The following SYTL4 variants were observed in gnomAD, a reference collection of about 807,000 sequenced individuals.
SYTL4 encodes the protein synaptotagmin like 4, also known as synaptotagmin-like protein 4.
SYTL4 carries 16 observed loss-of-function variants against 52.7 expected under a neutral mutation model. That is an observed-to-expected ratio of 0.30 (90% confidence interval 0.21 to 0.46). The LOEUF (loss-of-function observed/expected upper bound fraction) is 0.46. SYTL4 is among the 20% of genes least tolerant of loss of function. SYTL4 has a pLI of 1.00. For missense variants in SYTL4, 423 were observed against 519.9 expected (o/e 0.81, Z 1.81); for synonymous variants, 160 against 186.6 (o/e 0.86, Z 1.16).
At chrX:100,677,906 G>C (rs980310840) in intron 19 of SYTL4, among the ~76,000 whole-genome samples, 15 of 111,445 alleles carry the variant, frequency 1.3e-4, no homozygotes, top group Non-Finnish European at 2.8e-4. Flanking sequence ...GTTTGTTTTT[G>C]TTTCATAAGA....
At chrX:100,711,656 A>G (rs980570666) in intron 2 of SYTL4, among the ~76,000 whole-genome samples, 2 of 111,836 alleles carry the variant, frequency 1.8e-5, no homozygotes, top group East Asian at 5.5e-4. Flanking sequence ...TTAATGAGCT[A>G]TGGGACAACA....
chrX:100,698,951 G>A (rs937366565), intron 8 of SYTL4, among the ~76,000 whole-genome samples: 7 of 112,050 alleles, frequency 6.2e-5, no homozygotes, highest in Admixed American at 3.8e-4. Flanking sequence ...GAAAATAACC[G>A]GGGGGAAGTG....
rs776899422 is a variant in SYTL4 at position 100,678,442 on chromosome X, G to A, written c.1816C>T (p.Pro606Ser). 1.7e-6 allele frequency: 2 copies of A among 1,211,203 alleles called. No homozygotes were observed. Among genetic ancestry groups the A allele is most frequent in the South Asian group, 3.5e-5 (2 of 56,913 alleles). The stretch of plus-strand genomic sequence containing the variant: ...CCCAGGAAGTCATTGCTGGCCAGGG[G>A]CTCCCGGTCCCACACAGTCAGTTCC... ...CLELTVWDREPLASNDFLGGV... is the reference protein window; with the variant it reads ...CLELTVWDRESLASNDFLGGV... Residue 606 changes from proline to serine, a missense_variant, in exon 19 of 20, where the codon CCC (proline) becomes TCC (serine). Pro to Ser is a moderately conservative substitution (Grantham distance 74). Transcript: ENST00000372989.
intron 2 of SYTL4, among the ~76,000 whole-genome samples, chrX:100,714,194 A>G (rs1365465767): frequency 9.0e-6 from 1 of 111,722 alleles, no homozygotes; most frequent in Non-Finnish European, 1.9e-5. Context: ...ATGTTTTCCA[A>G]TCCCAGAATA....
intron 2 of SYTL4, among the ~76,000 whole-genome samples, chrX:100,721,877 C>G (rs1471956183): frequency 9.0e-6 from 1 of 110,637 alleles, no homozygotes; most frequent in African/African-American, 3.3e-5. Flanking sequence ...TCTTGGCTCA[C>G]TGCAACCACT....
Position 100,701,342 on chromosome X carries a change from A to G in SYTL4, c.327-13T>C. 1 of 1,186,144 alleles carries G rather than the reference A, an allele frequency of 8.4e-7. No individual in the cohort carries two copies. The highest frequency in any genetic ancestry group is 1.1e-6 in the Non-Finnish European group (1 of 872,131). On this transcript the variant is annotated splice_polypyrimidine_tract_variant and intron_variant, in intron 6 of 19. Transcript: ENST00000372989. ...TTTCTTCAACTCTCTGGGAAGAAAT[A>G]AAAGAAAATGACAGATGGATAAAGA...
chrX:100,701,758 G>C, intron 5 of SYTL4, 85 bp from the exon 6 acceptor site: 1 of 989,204 alleles, frequency 1.0e-6, no homozygotes. Context: ...AAGACAGTAA[G>C]ACTATTTGGT....
At chrX:100,698,133 T>A (rs759845130) in intron 8 of SYTL4, among the ~76,000 whole-genome samples, 7 of 111,198 alleles carry the variant, frequency 6.3e-5, no homozygotes, top group African/African-American at 2.3e-4. Context: ...GATGGAGTCT[T>A]GCTCTGTTGC....
chrX:100,696,525 T>C (rs1174986887), intron 8 of SYTL4, among the ~76,000 whole-genome samples: 1 of 112,152 alleles, frequency 8.9e-6, no homozygotes, highest in Non-Finnish European at 1.9e-5. Flanking sequence ...TGTGCTTATC[T>C]GACATCTCTA....
intron 8 of SYTL4, among the ~76,000 whole-genome samples, chrX:100,698,648 T>C (rs942303582): frequency 9.0e-6 from 1 of 111,634 alleles, no homozygotes; most frequent in African/African-American, 3.3e-5. Context: ...CATTCAAGTA[T>C]AAAGGCAGCT....
intron 2 of SYTL4, among the ~76,000 whole-genome samples, chrX:100,727,482 G>A (rs1317623318): frequency 4.4e-5 from 5 of 112,660 alleles, no homozygotes; most frequent in East Asian, 2.8e-4. Context: ...AAAACCACTC[G>A]CAATGGTGAA....
chrX:100,678,006 G>A (rs2147668390), intron 19 of SYTL4, among the ~76,000 whole-genome samples: 1 of 112,102 alleles, frequency 8.9e-6, no homozygotes, highest in African/African-American at 3.2e-5. Context: ...AGGTCATCGA[G>A]AAGGGTAGGG....
chrX:100,705,691 C>T (rs1157546093), intron 2 of SYTL4, among the ~76,000 whole-genome samples: 2 of 111,255 alleles, frequency 1.8e-5, no homozygotes, highest in African/African-American at 3.3e-5. Context: ...GAGAAAGGCA[C>T]GTTGGCATAA....
At chrX:100,684,233 G>A (rs1405104164) in intron 16 of SYTL4, among the ~76,000 whole-genome samples, 4 of 111,639 alleles carry the variant, frequency 3.6e-5, no homozygotes, top group African/African-American at 9.8e-5. Context: ...CTACTGTGCT[G>A]TTGAACAAAT....
intron 15 of SYTL4, 172 bp from the exon 16 acceptor site, chrX:100,686,323 T>C (rs2083473132): frequency 6.5e-6 from 3 of 461,673 alleles, no homozygotes; most frequent in Non-Finnish European, 1.0e-5. Flanking sequence ...TTAACTCATT[T>C]TATAAAAACC....
intron 17 of SYTL4, 81 bp from the exon 18 acceptor site, chrX:100,679,493 T>C (rs2083335932): frequency 3.7e-6 from 3 of 812,844 alleles, no homozygotes; most frequent in Non-Finnish European, 5.5e-6. Context: ...AGCACTTTCT[T>C]TGCTTGCTCC....
At chrX:100,683,133 A>ATTTTTTTTTTTTTT (rs559628938) in intron 16 of SYTL4, among the ~76,000 whole-genome samples, 5 of 53,972 alleles carry the variant, frequency 9.3e-5, no homozygotes, top group Non-Finnish European at 9.7e-5. Flanking sequence ...ACCTGCCTGT[A>ATTTTTTTTTTTTTT]TTTTTTTTTT....
At chrX:100,695,523 A>G (rs748776671) in intron 8 of SYTL4, among the ~76,000 whole-genome samples, 1 of 111,626 alleles carries the variant, frequency 9.0e-6, no homozygotes, top group East Asian at 2.8e-4. Flanking sequence ...CCACAAAGAA[A>G]AAAGGGGGCC....
At position 100,711,051 on chromosome X, in the gene SYTL4, C is replaced by T. The variant is rs749759142; in HGVS notation, c.-239-6165G>A. On this transcript the variant is annotated intron_variant, in intron 2 of 19. Coordinates refer to ENST00000372989, the MANE Select transcript of SYTL4 (RefSeq NM_001370165.1). ...TGTTTCCGCCAGCCAAATTGGAAAA[C>T]GTCATGATTCACGGGACACTAGCTG... Among the ~76,000 whole-genome samples the T allele has an allele frequency of 9.8e-5, 11 of 111,749 alleles. No homozygotes were observed. The Admixed American group carries it at 1.0e-3, about 11-fold the overall frequency.
Sources: gnomAD v4.1 joint callset for allele counts (sites outside exome capture counted in the v4.1 genomes callset) on GRCh38, gnomAD v4.1.1 for gene constraint, MANE v1.5 for transcripts, NCBI Gene and HGNC (gene_info 2026-07-23, HGNC 2026-07-21) for gene names.